The following CSMD3 variants were observed in gnomAD, a reference collection of about 807,000 sequenced individuals.
CSMD3 encodes the protein CUB and Sushi multiple domains 3.
CSMD3 carries 177 observed loss-of-function variants against 435.2 expected under a neutral mutation model. The ratio of observed to expected loss-of-function variants is 0.41; its 90% CI spans 0.36 to 0.46. The LOEUF (loss-of-function observed/expected upper bound fraction) is 0.46, where lower values mean the gene tolerates loss of function less well. Ranked by LOEUF, CSMD3 falls within the 20% of genes least tolerant of loss-of-function variation. CSMD3 has a pLI of 0.34. For synonymous variants in CSMD3, 1,656 were observed against 1,520.5 expected (o/e 1.09, Z -2.07); for missense variants, 4,265 against 4,504.6 (o/e 0.95, Z 1.52).
At chr8:112,415,431 G>A (rs966793249) in intron 32 of CSMD3, among the ~76,000 whole-genome samples, 2 of 152,192 alleles carry the variant, frequency 1.3e-5, no homozygotes, top group African/African-American at 4.8e-5. Flanking sequence ...GTATGGAAAT[G>A]TCTGGATGTC....
chr8:112,666,070 A>G (rs369159745), intron 17 of CSMD3, among the ~76,000 whole-genome samples: 37 of 152,274 alleles, frequency 2.4e-4, no homozygotes, highest in Non-Finnish European at 4.4e-4. Context: ...GCATATTTCA[A>G]TAGTACTGAT....
chr8:113,401,261 C>T (rs75979478), intron 1 of CSMD3, among the ~76,000 whole-genome samples: 1 of 151,746 alleles, frequency 6.6e-6, no homozygotes, highest in East Asian at 1.9e-4. Context: ...CTTTATAATA[C>T]ATGGTTAACA....
intron 16 of CSMD3, among the ~76,000 whole-genome samples, chr8:112,682,185 A>G (rs763620057): frequency 2.8e-4 from 42 of 152,242 alleles, no homozygotes; most frequent in Non-Finnish European, 5.9e-4. Context: ...CATGTGACCA[A>G]TATTTACCAT....
At chr8:113,367,871 T>C (rs1244927877) in intron 1 of CSMD3, among the ~76,000 whole-genome samples, 1 of 152,112 alleles carries the variant, frequency 6.6e-6, no homozygotes, top group African/African-American at 2.4e-5. Flanking sequence ...GGATGCTGTC[T>C]AGTACAGCCC....
At chr8:113,082,946 A>G (rs2089625398) in intron 5 of CSMD3, among the ~76,000 whole-genome samples, 1 of 152,188 alleles carries the variant, frequency 6.6e-6, no homozygotes, top group Admixed American at 6.5e-5. Flanking sequence ...ATGATATATG[A>G]GACACTATTA....
intron 38 of CSMD3, among the ~76,000 whole-genome samples, chr8:112,363,230 G>A (rs1408582828): frequency 6.6e-6 from 1 of 151,952 alleles, no homozygotes; most frequent in Non-Finnish European, 1.5e-5. Context: ...AGAAGTGCAT[G>A]CATAATACTT....
At chr8:112,909,874 G>T (rs956015889) in intron 10 of CSMD3, among the ~76,000 whole-genome samples, 1 of 151,776 alleles carries the variant, frequency 6.6e-6, no homozygotes, top group Non-Finnish European at 1.5e-5. Flanking sequence ...TCTGGATTAA[G>T]TCCGGTTAGA....
At position 112,345,257 on chromosome 8, in the gene CSMD3, G is replaced by A. The variant is rs80141041; in HGVS notation, c.6442+840C>T. ...CACTGGGTATATGTGCAAAAGAATT[G>A]AAGTCAGAATCTTGAAGAGATATCT... On this transcript the variant is annotated intron_variant, in intron 41 of 70. Transcript: ENST00000297405. Among the ~76,000 whole-genome samples, 10 of 152,244 alleles carry A rather than the reference G, an allele frequency of 6.6e-5. No homozygotes were observed. The East Asian group carries it at 1.9e-3, about 29-fold the overall frequency.
chr8:113,191,518 A>G (rs1290486864), intron 3 of CSMD3, among the ~76,000 whole-genome samples: 1 of 151,052 alleles, frequency 6.6e-6, no homozygotes, highest in Non-Finnish European at 1.5e-5. Context: ...TCCCATGTTA[A>G]TTTGCTTAGG....
At chr8:112,374,116 A>G (rs1293783143) in intron 38 of CSMD3, among the ~76,000 whole-genome samples, 1 of 152,142 alleles carries the variant, frequency 6.6e-6, no homozygotes, top group African/African-American at 2.4e-5. Context: ...ATCTCCCACC[A>G]TTCTCCCGAA....
rs763485582 is a variant in CSMD3 at position 112,682,518 on chromosome 8, G to A, written c.2601C>T (p.Thr867=). ...TACATGTAATTGTTTCTGTTCCCTGGGTTTTAATAAATCCTTCTTCACAAA... is the reference window on the plus strand; with the variant it reads ...TACATGTAATTGTTTCTGTTCCCTGAGTTTTAATAAATCCTTCTTCACAAA... ...SVICEEGFIK[T]QGTETITCIL... Residue 867 remains threonine (T), a synonymous_variant, in exon 16 of 71, where the codon ACC becomes ACT. Coordinates refer to ENST00000297405, the MANE Select transcript of CSMD3 (RefSeq NM_198123.2). The A allele has an allele frequency of 1.9e-5, 31 of 1,613,274 alleles. No individual in the cohort carries two copies. In the South Asian group the frequency reaches 3.1e-4, roughly 16 times the overall value.
At chr8:113,099,769 C>A (rs185311877) in intron 4 of CSMD3, among the ~76,000 whole-genome samples, 95 of 152,072 alleles carry the variant, frequency 6.2e-4, no homozygotes, top group Admixed American at 1.8e-3. Context: ...GTTTGGTATG[C>A]AAACATAAGA....
At chr8:112,260,463 T>G (rs1586572188) in intron 61 of CSMD3, among the ~76,000 whole-genome samples, 1 of 152,154 alleles carries the variant, frequency 6.6e-6, no homozygotes, top group South Asian at 2.1e-4. Context: ...GTAAAGCAAC[T>G]GAGACAAAGA....
chr8:113,405,566 AAGTC>A (rs1386658291), intron 1 of CSMD3, among the ~76,000 whole-genome samples: 1 of 151,692 alleles, frequency 6.6e-6, no homozygotes, highest in Non-Finnish European at 1.5e-5. Context: ...AAAGAAAACT[AAGTC>A]AGTTTCACAG....
chr8:112,699,283 G>T (rs144611340), intron 13 of CSMD3, among the ~76,000 whole-genome samples: 1,872 of 152,202 alleles, frequency 0.012, 37 homozygotes, highest in African/African-American at 0.043. Flanking sequence ...CCCACCAGAA[G>T]GAAGAAACTC....
chr8:112,327,518 C>T (rs2130906987), intron 45 of CSMD3, among the ~76,000 whole-genome samples: 1 of 152,258 alleles, frequency 6.6e-6, no homozygotes, highest in East Asian at 1.9e-4. Flanking sequence ...TTAGTCCATG[C>T]TTTTCATGGA....
chr8:112,663,660 G>C (rs2075445406), intron 17 of CSMD3, among the ~76,000 whole-genome samples: 1 of 151,900 alleles, frequency 6.6e-6, no homozygotes, highest in Admixed American at 6.6e-5. Context: ...AGAACAGTTT[G>C]GGATAAGAGA....
chr8:112,452,791 C>T (rs904714675), intron 32 of CSMD3, among the ~76,000 whole-genome samples: 1 of 152,274 alleles, frequency 6.6e-6, no homozygotes, highest in Admixed American at 6.5e-5. Flanking sequence ...ACACAGCTAA[C>T]CTACACTCCA....
chr8:112,767,039 A>C (rs2132175066), intron 13 of CSMD3, among the ~76,000 whole-genome samples: 1 of 152,016 alleles, frequency 6.6e-6, no homozygotes, highest in African/African-American at 2.4e-5. Flanking sequence ...ATGTACTATA[A>C]ATGGTAGAGT....
Sources: allele counts gnomAD v4.1 joint callset (sites outside exome capture counted in the v4.1 genomes callset), GRCh38; gene constraint gnomAD v4.1.1; transcripts MANE v1.5; gene names NCBI Gene and HGNC (gene_info 2026-07-23, HGNC 2026-07-21).